Variants in NEBL observed in about 807,000 individuals in gnomAD.
The protein encoded by NEBL is nebulette.
Under a neutral mutation model 140.2 loss-of-function variants are expected in NEBL, and 122 were observed. That is an observed-to-expected ratio of 0.87 (90% CI 0.75 to 1.01). The LOEUF (loss-of-function observed/expected upper bound fraction) is 1.01, where lower values mean the gene tolerates loss of function less well. Ranked by LOEUF, NEBL falls within the 50% of genes least tolerant of loss-of-function variation. The probability of loss-of-function intolerance (pLI) is 0.00; values close to 1 mark genes in which losing one functional copy is unlikely to be tolerated. For missense variants in NEBL, 1,365 were observed against 1,231.3 expected, an observed-to-expected ratio of 1.11 and a Z score of -1.62; for synonymous variants, 436 against 398.9, an observed-to-expected ratio of 1.09 and a Z score of -1.11.
intron 2 of NEBL, among the ~76,000 whole-genome samples, chr10:21,036,020 G>A (rs545531807): frequency 6.6e-6 from 1 of 152,108 alleles, no homozygotes; most frequent in African/African-American, 2.4e-5. Flanking sequence ...AAAATCAGCT[G>A]GGCATGGTGG....
At chr10:20,855,536 C>T (rs896135698) in intron 9 of NEBL, among the ~76,000 whole-genome samples, 14 of 141,052 alleles carry the variant, frequency 9.9e-5, no homozygotes, top group Non-Finnish European at 2.2e-4. Flanking sequence ...AAAAAAAAAA[C>T]GAAGGAAAAC....
intron 4 of NEBL, among the ~76,000 whole-genome samples, chr10:20,957,700 AT>A (rs769976666): frequency 8.5e-5 from 13 of 152,188 alleles, no homozygotes; most frequent in Admixed American, 1.3e-4. Flanking sequence ...ACACGCAGAA[AT>A]CCTGACAAAT....
intron 9 of NEBL, among the ~76,000 whole-genome samples, chr10:20,852,956 C>T (rs1252706720): frequency 1.3e-5 from 2 of 152,048 alleles, no homozygotes; most frequent in South Asian, 2.1e-4. Context: ...CTAGGACATG[C>T]GGAAAAAGGT....
chr10:21,089,638 G>A (rs2131960352), intron 2 of NEBL, among the ~76,000 whole-genome samples: 1 of 152,184 alleles, frequency 6.6e-6, no homozygotes, highest in East Asian at 1.9e-4. Flanking sequence ...GCCTGGGTAA[G>A]GGGGGCAGGA....
chr10:21,243,496 G>A (rs531522466), intron 3 of NEBL, among the ~76,000 whole-genome samples: 20 of 151,972 alleles, frequency 1.3e-4, no homozygotes, highest in African/African-American at 4.6e-4. Context: ...TAGTAGAGAT[G>A]GGGTTTTGCC....
rs573056456 is a variant in NEBL, at chr10:21,076,901, C to T, written c.165-56700G>A. ...TGGCCAGAGACAGAAAGTAAGATGA[C>T]GGAGGGGGAAATGGGGGGTTAGTGT... On this transcript the variant is annotated intron_variant, in intron 2 of 6. Transcript: ENST00000417816. Among the ~76,000 whole-genome samples the T allele has an allele frequency of 1.4e-4, 21 of 151,746 alleles. No homozygotes were observed. In the South Asian group the frequency reaches 2.1e-3, roughly 15 times the overall value.
intron 2 of NEBL, among the ~76,000 whole-genome samples, chr10:21,111,108 G>C (rs1457866983): frequency 6.6e-6 from 1 of 152,094 alleles, no homozygotes; most frequent in Non-Finnish European, 1.5e-5. Context: ...ACAAACAAAT[G>C]GAAGAACTTT....
chr10:21,086,609 C>A (rs943877166), intron 2 of NEBL, among the ~76,000 whole-genome samples: 8 of 152,082 alleles, frequency 5.3e-5, no homozygotes, highest in Admixed American at 5.2e-4. Flanking sequence ...GAAACCCTAT[C>A]TTTACTAAAA....
chr10:21,148,038 A>G (rs1407513386), intron 2 of NEBL, among the ~76,000 whole-genome samples: 1 of 152,250 alleles, frequency 6.6e-6, no homozygotes, highest in Non-Finnish European at 1.5e-5. Flanking sequence ...AATAAATATA[A>G]AATGAGTGCT....
intron 4 of NEBL, among the ~76,000 whole-genome samples, chr10:20,926,159 T>C (rs905967489): frequency 6.6e-6 from 1 of 152,224 alleles, no homozygotes; most frequent in African/African-American, 2.4e-5. Flanking sequence ...GCTACTGGCA[T>C]CTTTTGCTAT....
intron 2 of NEBL, among the ~76,000 whole-genome samples, chr10:21,107,436 T>C (rs1398696970): frequency 6.6e-6 from 1 of 152,214 alleles, no homozygotes; most frequent in Non-Finnish European, 1.5e-5. Flanking sequence ...CAAGTGGTTT[T>C]TGCTGTTAGT....
chr10:21,206,499 G>A (rs990994681), intron 3 of NEBL, among the ~76,000 whole-genome samples: 13 of 152,290 alleles, frequency 8.5e-5, no homozygotes, highest in Non-Finnish European at 1.9e-4. Flanking sequence ...TCTAACCAGG[G>A]GGGTAGAAAC....
intron 3 of NEBL, among the ~76,000 whole-genome samples, chr10:20,977,561 C>CAGG (rs1363033609): frequency 6.6e-6 from 1 of 151,770 alleles, no homozygotes; most frequent in African/African-American, 2.4e-5. Flanking sequence ...TGTGAGCCCA[C>CAGG]AGGAGGAGGA....
In NEBL at chr10:20,831,286, T is replaced by G; in HGVS notation, c.1581A>C (p.Leu527Phe). The G allele has an allele frequency of 6.2e-7, 1 of 1,611,206 alleles. No individual in the cohort carries two copies. Among genetic ancestry groups the G allele is most frequent in the Non-Finnish European group, 8.5e-7 (1 of 1,177,920 alleles). ...TTCCTTTCCCTTTAATTTCATTTTC[T>G]AAGTCCTTCTTGTATTGTTTCTAAA... is the stretch of plus-strand genomic sequence containing the variant. ...MASQKQYKKD[L>F]ENEIKGKGMQ... Residue 527 changes from leucine (L) to phenylalanine (F), a missense_variant, in exon 16 of 28, where the codon TTA becomes TTC. By Grantham distance (22) the Leu-to-Phe change is conservative. This residue lies in a region of NEBL where 1,323 missense variants were observed against 1,154.8 expected (regional missense o/e 1.15). Transcript: ENST00000377122.
chr10:21,096,353 C>T (rs779957729), intron 2 of NEBL, among the ~76,000 whole-genome samples: 5 of 152,086 alleles, frequency 3.3e-5, no homozygotes, highest in African/African-American at 9.7e-5. Flanking sequence ...ATATAAAACT[C>T]GCTTCTCAAA....
intron 2 of NEBL, among the ~76,000 whole-genome samples, chr10:21,135,625 G>A (rs923142561): frequency 6.6e-6 from 1 of 152,210 alleles, no homozygotes; most frequent in Non-Finnish European, 1.5e-5. Context: ...TCCTATGGGT[G>A]CACCAAATCT....
intron 17 of NEBL, among the ~76,000 whole-genome samples, chr10:20,827,292 G>A (rs1839969553): frequency 6.6e-6 from 1 of 152,166 alleles, no homozygotes; most frequent in South Asian, 2.1e-4. Flanking sequence ...CCAAAGGCTA[G>A]AACTACAGAA....
At chr10:21,040,926 TAA>T (rs1366908554) in intron 2 of NEBL, among the ~76,000 whole-genome samples, 1 of 152,164 alleles carries the variant, frequency 6.6e-6, no homozygotes, top group Non-Finnish European at 1.5e-5. Context: ...ACTTTCCACC[TAA>T]GTTTCCCGAA....
chr10:20,990,750 T>C (rs948951658), intron 3 of NEBL, among the ~76,000 whole-genome samples: 1 of 152,248 alleles, frequency 6.6e-6, no homozygotes, highest in African/African-American at 2.4e-5. Flanking sequence ...GACATTTTTC[T>C]TTCTGTCTCA....
Sources: gnomAD v4.1 joint callset for allele counts (sites outside exome capture counted in the v4.1 genomes callset) on GRCh38, gnomAD v4.1.1 for gene constraint, gnomAD v4.1.1 regional missense constraint, MANE v1.5 for transcripts, NCBI Gene and HGNC (gene_info 2026-07-23, HGNC 2026-07-21) for gene names.